The following SVOP variants were observed in gnomAD, a reference collection of about 807,000 sequenced individuals.
SVOP encodes the protein SV2 related protein.
A neutral mutation model predicts 69.1 loss-of-function variants in SVOP; 17 were observed. The observed-to-expected ratio is 0.25, with a 90% CI of 0.17 to 0.37. The LOEUF (loss-of-function observed/expected upper bound fraction) is 0.37. SVOP is among the 10% of genes least tolerant of loss of function. SVOP has a pLI of 1.00. For synonymous variants in SVOP, 238 were observed against 238.6 expected (o/e 1.00, Z 0.02); for missense variants, 435 against 597.5 (o/e 0.73, Z 2.84).
intron 5 of SVOP, among the ~76,000 whole-genome samples, chr12:108,969,551 T>A (rs2040066570): frequency 6.6e-6 from 1 of 151,742 alleles, no homozygotes; most frequent in African/African-American, 2.4e-5. Flanking sequence ...GGTCTCGAAC[T>A]TCTGACCTCA....
intron 1 of SVOP, among the ~76,000 whole-genome samples, chr12:109,002,839 G>A (rs12820778): frequency 6.7e-6 from 1 of 149,414 alleles, no homozygotes; most frequent in Non-Finnish European, 1.5e-5. Flanking sequence ...GGATAGCATT[G>A]GGAGATATAC....
intron 6 of SVOP, 81 bp from the exon 7 acceptor site, chr12:108,945,247 C>T (rs36191519): frequency 0.6 from 820,113 of 1,365,738 alleles, 249,115 homozygotes; most frequent in Non-Finnish European, 0.62. Context: ...AATTTGCAGC[C>T]GACATTCCTC....
At chr12:108,959,999 G>T (rs1428400894) in intron 6 of SVOP, among the ~76,000 whole-genome samples, 2 of 152,128 alleles carry the variant, frequency 1.3e-5, no homozygotes, top group African/African-American at 4.8e-5. Flanking sequence ...ACCTTCTAGG[G>T]AAAATGAGAG....
intron 11 of SVOP, among the ~76,000 whole-genome samples, chr12:108,925,319 C>T (rs1246295934): frequency 2.7e-5 from 4 of 150,602 alleles, no homozygotes; most frequent in East Asian, 3.9e-4. Flanking sequence ...TTGGCTTTAC[C>T]GTGCCGGGGG....
At chr12:108,939,903 T>G (rs1256901633) in intron 8 of SVOP, among the ~76,000 whole-genome samples, 1 of 152,216 alleles carries the variant, frequency 6.6e-6, no homozygotes, top group Admixed American at 6.5e-5. Flanking sequence ...GTTGTCTGTA[T>G]GTAGAAGACT....
At chr12:108,912,872 T>G (rs1252561917) in intron 15 of SVOP, 131 bp from the exon 16 acceptor site, 3 of 948,698 alleles carry the variant, frequency 3.2e-6, no homozygotes, top group African/African-American at 3.3e-5. Flanking sequence ...GGTGATTCCC[T>G]CCTCTCCCCC....
chr12:108,910,743 C>T lies in SVOP; in HGVS notation c.*1792G>A, dbSNP rs997419729. 6.6e-6 allele frequency: 1 copy of T among 152,176 alleles called. No individual in the cohort carries two copies. The highest frequency in any genetic ancestry group is 6.5e-5 in the Admixed American group (1 of 15,282). 9.4% of individuals were successfully genotyped at this position (152,176 alleles called of 1,614,324 possible). ...GCTCAGCCACAATGTTGGCTGCCAACGGTATGTCTTTCCCCACTCATTGGA... is the reference window on the plus strand; with the variant it reads ...GCTCAGCCACAATGTTGGCTGCCAATGGTATGTCTTTCCCCACTCATTGGA... On this transcript the variant is annotated 3_prime_UTR_variant, in exon 16 of 16. Transcript: ENST00000610966.
chr12:108,983,693 T>A lies in SVOP; in HGVS notation c.104A>T (p.Glu35Val). Residue 35 changes from glutamate (E) to valine (V), a missense_variant, in exon 2 of 16, where the codon GAA (glutamate) becomes GTA (valine). Coordinates refer to ENST00000610966, the MANE Select transcript of SVOP (RefSeq NM_018711.5). The stretch of plus-strand genomic sequence containing the variant: ...CACGTGGACCCCTTCAATCTGGACT[T>A]CATGCTCTCCTGAAGCCGTGTCGTC... ...SEDDTASGEH[E>V]VQIEGVHVGL... is the part of the protein sequence containing the mutation. The A allele has an allele frequency of 2.5e-6, 1 of 398,836 alleles. No homozygotes were observed. Among genetic ancestry groups the A allele is most frequent in the East Asian group, 3.6e-5 (1 of 28,078 alleles). The allele number at this position is 398,836 out of a possible 1,614,324, so 24.7% of individuals were successfully genotyped here.
At chr12:108,922,418 G>C (rs1384421521) in intron 12 of SVOP, among the ~76,000 whole-genome samples, 2 of 152,162 alleles carry the variant, frequency 1.3e-5, no homozygotes, top group African/African-American at 4.8e-5. Context: ...CAAGCTGCTT[G>C]CTATAATAGT....
intron 15 of SVOP, among the ~76,000 whole-genome samples, chr12:108,915,176 A>ACC: frequency 6.7e-6 from 1 of 149,066 alleles, no homozygotes; most frequent in African/African-American, 2.4e-5. Flanking sequence ...CCATCCCAAA[A>ACC]AAAAAAAAAA....
At chr12:108,993,312 G>C (rs1304817789) in intron 1 of SVOP, among the ~76,000 whole-genome samples, 12 of 148,178 alleles carry the variant, frequency 8.1e-5, no homozygotes, top group Non-Finnish European at 1.8e-4. Flanking sequence ...CCAGCTGCAA[G>C]ACCCCATTTC....
At chr12:108,933,647 T>G (rs1483074998) in intron 11 of SVOP, among the ~76,000 whole-genome samples, 1 of 152,010 alleles carries the variant, frequency 6.6e-6, no homozygotes, top group East Asian at 1.9e-4. Flanking sequence ...GCCACTGCAC[T>G]CCAGCCTGGG....
intron 4 of SVOP, among the ~76,000 whole-genome samples, chr12:108,974,759 T>C (rs954852638): frequency 1.7e-4 from 26 of 152,004 alleles, no homozygotes; most frequent in African/African-American, 6.3e-4. Flanking sequence ...GGTAAAATTA[T>C]ATGGAGAAAT....
chr12:108,989,752 C>G (rs1332351300), intron 1 of SVOP, among the ~76,000 whole-genome samples: 1 of 152,214 alleles, frequency 6.6e-6, no homozygotes, highest in African/African-American at 2.4e-5. Flanking sequence ...CCAACCATAT[C>G]TGCTACAAAG....
chr12:108,954,698 G>A (rs2039975948), intron 6 of SVOP, among the ~76,000 whole-genome samples: 1 of 152,084 alleles, frequency 6.6e-6, no homozygotes, highest in South Asian at 2.1e-4. Context: ...ATCCACTGAT[G>A]GCACCATTTT....
At chr12:109,016,029 T>G (rs2040366101) in intron 1 of SVOP, among the ~76,000 whole-genome samples, 1 of 152,200 alleles carries the variant, frequency 6.6e-6, no homozygotes, top group South Asian at 2.1e-4. Flanking sequence ...GCGCTCCTAC[T>G]ACCTAATAAG....
At chr12:108,925,173 C>A (rs1434067976) in intron 11 of SVOP, among the ~76,000 whole-genome samples, 1 of 152,196 alleles carries the variant, frequency 6.6e-6, no homozygotes, top group African/African-American at 2.4e-5. Flanking sequence ...CTAAAATGTA[C>A]CCCTGCCTTT....
chr12:109,004,303 G>A (rs1037469878), intron 1 of SVOP, among the ~76,000 whole-genome samples: 3 of 151,882 alleles, frequency 2.0e-5, no homozygotes, highest in African/African-American at 7.2e-5. Flanking sequence ...TTAAGGAAGA[G>A]AAGAACTTGA....
intron 11 of SVOP, among the ~76,000 whole-genome samples, chr12:108,923,866 T>C (rs1008225017): frequency 6.6e-6 from 1 of 152,104 alleles, no homozygotes; most frequent in African/African-American, 2.4e-5. Flanking sequence ...TAAAGAAGGA[T>C]GAATGCTACA....
Sources: allele counts gnomAD v4.1 joint callset (sites outside exome capture counted in the v4.1 genomes callset), GRCh38; gene constraint gnomAD v4.1.1; transcripts MANE v1.5; gene names NCBI Gene and HGNC (gene_info 2026-07-23, HGNC 2026-07-21).